Variants in ZNF91 observed in about 807,000 individuals in gnomAD.
The protein encoded by ZNF91 is zinc finger protein 91.
A neutral mutation model predicts 12.6 loss-of-function variants in ZNF91; 7 were observed. That is an observed-to-expected ratio of 0.55 (90% confidence interval 0.31 to 1.04). The LOEUF is 1.04. Among genes scored for constraint, ZNF91 ranks in the 50% least tolerant of loss-of-function variants. ZNF91 has a pLI of 0.05. For missense variants in ZNF91, 1,217 were observed against 1,385.4 expected (o/e 0.88, Z 1.93); for synonymous variants, 453 against 462.6 (o/e 0.98, Z 0.27).
intron 3 of ZNF91, among the ~76,000 whole-genome samples, chr19:23,305,863 A>G (rs1414220425): frequency 6.6e-6 from 1 of 152,210 alleles, no homozygotes; most frequent in African/African-American, 2.4e-5. Context: ...CTATCAGCTT[A>G]TTTCCCAAAC....
intron 1 of ZNF91, chr19:23,324,290 AT>A (rs1265532819): frequency 1.6e-5 from 2 of 124,388 alleles, no homozygotes; most frequent in Non-Finnish European, 3.3e-5. Flanking sequence ...TCTTCTTCTC[AT>A]TTTCTCTTCT....
At chr19:23,330,335 G>GA (rs200975259) in intron 1 of ZNF91, among the ~76,000 whole-genome samples, 15,135 of 130,924 alleles carry the variant, frequency 0.12, 1,138 homozygotes, top group East Asian at 0.38. Context: ...CGTCTCAAAA[G>GA]AAAAAAAAAA....
At chr19:23,351,958 G>A (rs979314689) in intron 3 of ZNF91, among the ~76,000 whole-genome samples, 5 of 152,166 alleles carry the variant, frequency 3.3e-5, no homozygotes, top group Admixed American at 2.0e-4. Context: ...AGGGAGGACA[G>A]AGGAGCAGGG....
downstream of ZNF91, among the ~76,000 whole-genome samples, chr19:23,354,911 C>G (rs566143822): frequency 6.6e-6 from 1 of 152,038 alleles, no homozygotes; most frequent in African/African-American, 2.4e-5. Flanking sequence ...ACGAAGGAGT[C>G]GAAAGACCTG....
chr19:23,368,394 A>G (rs891491227), intron 3 of ZNF91, among the ~76,000 whole-genome samples: 5 of 151,928 alleles, frequency 3.3e-5, no homozygotes, highest in Admixed American at 3.3e-4. Flanking sequence ...ACGTGCCTGT[A>G]GTCTCAGCTA....
downstream of ZNF91, among the ~76,000 whole-genome samples, chr19:23,334,362 C>T (rs1338375243): frequency 1.3e-5 from 2 of 152,140 alleles, no homozygotes; most frequent in Non-Finnish European, 2.9e-5. Flanking sequence ...GTAATGTGAG[C>T]AGCTCTGTGT....
At chr19:23,351,308 A>G (rs2145028558) in intron 3 of ZNF91, among the ~76,000 whole-genome samples, 1 of 151,480 alleles carries the variant, frequency 6.6e-6, no homozygotes, top group Non-Finnish European at 1.5e-5. Flanking sequence ...GGGGAGACAG[A>G]GCAAGACTCA....
intron 3 of ZNF91, 82 bp downstream of exon 3, chr19:23,373,660 T>TCTCAGATCA (rs1380945246): frequency 9.1e-7 from 1 of 1,100,662 alleles, no homozygotes; most frequent in Non-Finnish European, 1.3e-6. Context: ...GAACACAGCT[T>TCTCAGATCA]CTCAGATCAC....
intron 1 of ZNF91, among the ~76,000 whole-genome samples, chr19:23,382,888 A>AGGACCAGACATTCACAGGT (rs573233276): frequency 7.9e-4 from 120 of 152,358 alleles, no homozygotes; most frequent in African/African-American, 2.7e-3. Flanking sequence ...AATAAAGCCA[A>AGGACCAGACATTCACAGGT]GGACCAGACA....
intron 1 of ZNF91, 87 bp from the exon 2 acceptor site, chr19:23,374,851 T>C: frequency 6.4e-7 from 1 of 1,569,752 alleles, no homozygotes; most frequent in South Asian, 1.1e-5. Flanking sequence ...AGAAAGTGAC[T>C]AGAACTGGTT....
intron 1 of ZNF91, chr19:23,326,693 T>C (rs1186655626): frequency 6.6e-6 from 1 of 152,200 alleles, no homozygotes. Flanking sequence ...TCATGTAAAT[T>C]GGAAGCTAAG....
intron 1 of ZNF91, chr19:23,385,186 T>A: frequency 3.0e-6 from 2 of 676,622 alleles, no homozygotes; most frequent in Admixed American, 2.4e-5. Context: ...AAAGACTAAG[T>A]CAGAGGAGTC....
chr19:23,381,773 T>C (rs1969724695), intron 1 of ZNF91, among the ~76,000 whole-genome samples: 1 of 149,810 alleles, frequency 6.7e-6, no homozygotes, highest in South Asian at 2.1e-4. Flanking sequence ...AACTGAACTC[T>C]TTTTTCTTTT....
At chr19:23,311,901 CA>C (rs78028804), upstream of ZNF91, among the ~76,000 whole-genome samples, 8,753 of 91,682 alleles carry the variant, frequency 0.095, 565 homozygotes, top group East Asian at 0.32. Context: ...TAGGCCATGC[CA>C]AAAAAAAAAA....
intron 3 of ZNF91, among the ~76,000 whole-genome samples, chr19:23,345,819 G>A (rs1968214390): frequency 6.6e-6 from 1 of 151,712 alleles, no homozygotes; most frequent in Non-Finnish European, 1.5e-5. Context: ...CCCTCCTCAG[G>A]ACAATTCTAG....
intron 1 of ZNF91, among the ~76,000 whole-genome samples, chr19:23,310,309 C>T (rs1438125361): frequency 1.3e-5 from 2 of 152,172 alleles, no homozygotes; most frequent in African/African-American, 4.8e-5. Context: ...TGTTGAGCTT[C>T]TGAATCTCAT....
At chr19:23,395,254 C>A (rs2145151998) in intron 1 of ZNF91, 71 bp downstream of exon 1, 1 of 1,581,386 alleles carries the variant, frequency 6.3e-7, no homozygotes, top group Non-Finnish European at 8.6e-7. Flanking sequence ...CTGAGGCTCG[C>A]CACAGCCGCA....
intron 1 of ZNF91, among the ~76,000 whole-genome samples, chr19:23,329,511 A>C (rs1480373895): frequency 6.6e-6 from 1 of 152,238 alleles, no homozygotes; most frequent in Non-Finnish European, 1.5e-5. Context: ...TAATCTGTGA[A>C]AATAAAGTTT....
rs975258272 is a variant in ZNF91 at position 23,362,098 on chromosome 19, T to C, written c.881A>G (p.Tyr294Cys). The C allele has an allele frequency of 2.5e-6, 4 of 1,613,956 alleles. No individual in the cohort carries two copies. The highest frequency in any genetic ancestry group is 2.7e-5 in the African/African-American group (2 of 74,938). Reference protein sequence around the residue: ...HKRIHTGEKPYKCEECGKAFS... With the variant: ...HKRIHTGEKPCKCEECGKAFS... ...AGCTTTGCCACATTCTTCACATTTG[T>C]AGGGTTTCTCTCCAGTGTGTATCCT... The change falls in exon 4 of 4, where the codon TAC becomes TGC. Residue 294 changes from tyrosine to cysteine, a missense_variant. Physicochemically the swap from Tyr to Cys is radical, Grantham distance 194. Around this residue, in one of 2 missense-constraint regions of ZNF91, gnomAD observed 726 missense variants for 895.5 expected, o/e 0.81. Coordinates refer to ENST00000300619, the MANE Select transcript of ZNF91 (RefSeq NM_003430.4).
Sources: gnomAD v4.1 joint callset for allele counts (sites outside exome capture counted in the v4.1 genomes callset) on GRCh38, gnomAD v4.1.1 for gene constraint, gnomAD v4.1.1 regional missense constraint, MANE v1.5 for transcripts, NCBI Gene and HGNC (gene_info 2026-07-23, HGNC 2026-07-21) for gene names.